LEF1: variants seen among roughly 807,000 people sequenced by gnomAD.
The protein encoded by LEF1 is lymphoid enhancer binding factor 1, also known as lymphoid enhancer-binding factor 1.
In LEF1, 14 loss-of-function variants were observed where a neutral mutation model predicts 51.2. The ratio of observed to expected loss-of-function variants is 0.27; its 90% CI spans 0.18 to 0.43. The LOEUF (loss-of-function observed/expected upper bound fraction) is 0.43. Among genes scored for constraint, LEF1 ranks in the 20% least tolerant of loss-of-function variants. The probability of loss-of-function intolerance (pLI) is 1.00; values close to 1 mark genes in which losing one functional copy is unlikely to be tolerated. For synonymous variants in LEF1, 185 were observed against 183.2 expected (o/e 1.01, Z -0.08); for missense variants, 386 against 512.0 (o/e 0.75, Z 2.37).
Position 108,166,476 on chromosome 4 carries a change from G to C in LEF1, c.213+1079C>G, listed in dbSNP as rs1055804190. The C allele has an allele frequency of 8.7e-6, 12 of 1,385,208 alleles. No individual in the cohort carries two copies. The Admixed American group carries it at 1.3e-4, about 15-fold the overall frequency. The allele number at this position is 1,385,208 out of a possible 1,614,324, so 85.8% of individuals were successfully genotyped here. ...TTCGGGTGTCAGGACTTTTCTACCG[G>C]ATTTCCTCCAGAGGGTTTCCCAGTT... On this transcript the variant is annotated intron_variant, in intron 1 of 11. Coordinates refer to ENST00000265165, the MANE Select transcript of LEF1 (RefSeq NM_016269.5).
chr4:108,060,820 C>A (rs531170965), intron 11 of LEF1, among the ~76,000 whole-genome samples: 6 of 152,058 alleles, frequency 3.9e-5, no homozygotes, highest in African/African-American at 7.3e-5. Flanking sequence ...TTTGCTCCAT[C>A]CAACACTCTA....
chr4:108,056,157 TGAAA>T (rs1334626148), intron 11 of LEF1, among the ~76,000 whole-genome samples: 1 of 152,210 alleles, frequency 6.6e-6, no homozygotes, highest in Non-Finnish European at 1.5e-5. Context: ...CTACAGAATT[TGAAA>T]GAATTATTGT....
intron 11 of LEF1, among the ~76,000 whole-genome samples, chr4:108,054,161 T>C (rs1048592550): frequency 2.0e-5 from 3 of 152,124 alleles, no homozygotes; most frequent in African/African-American, 7.2e-5. Context: ...GGATCCTGGG[T>C]CCATCGGTTA....
intron 3 of LEF1, among the ~76,000 whole-genome samples, chr4:108,099,593 TATATA>T (rs1740660727): frequency 7.9e-6 from 1 of 126,836 alleles, no homozygotes; most frequent in Admixed American, 8.0e-5. Context: ...TATATATATA[TATATA>T]TATATATATA....
chr4:108,071,152 C>T (rs1334520160), intron 8 of LEF1, among the ~76,000 whole-genome samples: 1 of 152,298 alleles, frequency 6.6e-6, no homozygotes, highest in Middle Eastern at 3.4e-3. Context: ...ATATCTGAGC[C>T]CAAGTACTTT....
Position 108,167,861 on chromosome 4 carries a change from G to C in LEF1, c.-94C>G. On this transcript the variant is annotated 5_prime_UTR_variant, in exon 1 of 12. Coordinates refer to ENST00000265165, the MANE Select transcript of LEF1 (RefSeq NM_016269.5). The surrounding 1 kb of genome is among the most constrained non-coding windows in gnomAD (Gnocchi z 5.7). ...AACTCAAGGGTGGGGGAGGAAAGGA[G>C]AGTTGGAAGGGTTCGTGCAGCAGGA... is the stretch of plus-strand genomic sequence containing the variant. 8.9e-7 allele frequency: 1 copy of C among 1,126,330 alleles called. No individual in the cohort carries two copies. Among genetic ancestry groups the C allele is most frequent in the Non-Finnish European group, 1.3e-6 (1 of 776,296 alleles). The allele number at this position is 1,126,330 out of a possible 1,614,324, so 69.8% of individuals were successfully genotyped here.
At chr4:108,069,326 ATTAAC>A (rs377584204) in intron 9 of LEF1, among the ~76,000 whole-genome samples, 163 of 152,356 alleles carry the variant, frequency 1.1e-3, no homozygotes, top group African/African-American at 3.1e-3. Flanking sequence ...AAAATATTAA[ATTAAC>A]TTAAGAGCTT....
intron 3 of LEF1, among the ~76,000 whole-genome samples, chr4:108,139,235 T>C (rs552496489): frequency 6.6e-5 from 10 of 152,254 alleles, no homozygotes; most frequent in Non-Finnish European, 1.0e-4. Flanking sequence ...TCATTAACTC[T>C]ATACTGGGAA....
In LEF1 at chr4:108,149,437, C is replaced by A. The variant is rs553529077; in HGVS notation, c.414+14131G>T. 2.3e-3 allele frequency among the ~76,000 whole-genome samples: 242 copies of A among 103,858 alleles called. 1 individual carries two copies. The Middle Eastern group carries it at 0.025, about 11-fold the overall frequency. The allele number at this position is 103,858 out of a possible 152,430, so 68.1% of individuals were successfully genotyped here. On this transcript the variant is annotated intron_variant, in intron 3 of 11. Transcript: ENST00000265165. ...TCGTGCCACTGCACTCCAGCCTGGGCGACAGAGCGAGACTCCGTCTCAAAA... is the reference window on the plus strand; with the variant it reads ...TCGTGCCACTGCACTCCAGCCTGGGAGACAGAGCGAGACTCCGTCTCAAAA...
intron 3 of LEF1, among the ~76,000 whole-genome samples, chr4:108,104,860 G>C (rs1402224463): frequency 2.0e-5 from 3 of 152,146 alleles, no homozygotes; most frequent in African/African-American, 7.2e-5. Context: ...AGGAGTTGGA[G>C]GTGTGCCTTT....
intron 3 of LEF1, among the ~76,000 whole-genome samples, chr4:108,132,059 A>G (rs1233493418): frequency 2.6e-5 from 4 of 152,210 alleles, no homozygotes; most frequent in Non-Finnish European, 5.9e-5. Flanking sequence ...AGGAATCCAA[A>G]ATGTATCACA....
At chr4:108,156,288 G>A (rs1326670096) in intron 3 of LEF1, among the ~76,000 whole-genome samples, 1 of 152,110 alleles carries the variant, frequency 6.6e-6, no homozygotes, top group Non-Finnish European at 1.5e-5. Flanking sequence ...CCGGCTGACT[G>A]TTTTCAGGAG....
chr4:108,113,784 C>G (rs951134571), intron 3 of LEF1, among the ~76,000 whole-genome samples: 3 of 152,122 alleles, frequency 2.0e-5, no homozygotes, highest in African/African-American at 7.2e-5. Flanking sequence ...GAGGATGAAG[C>G]ACTATGTGGC....
rs1413013273 is a variant in LEF1 at position 108,099,588 on chromosome 4, A to ATGTG, written c.415-10332_415-10331insCACA. ...TGTGTGTGTATATATATATATATAT[A>ATGTG]TATATATATATATATATATATATAT... On this transcript the variant is annotated intron_variant, in intron 3 of 11. Coordinates refer to ENST00000265165, the MANE Select transcript of LEF1 (RefSeq NM_016269.5). Among the ~76,000 whole-genome samples, 26 of 60,378 alleles carry ATGTG rather than the reference A, an allele frequency of 4.3e-4. 2 individuals carry two copies. The highest frequency in any genetic ancestry group is 8.9e-4 in the African/African-American group (22 of 24,760). The allele number at this position is 60,378 out of a possible 152,430, so 39.6% of individuals were successfully genotyped here. A position where few individuals can be genotyped will look rare whatever the true frequency, so the allele number is the denominator to read the frequency against.
intron 11 of LEF1, among the ~76,000 whole-genome samples, chr4:108,061,238 G>C (rs1737669723): frequency 6.6e-6 from 1 of 152,126 alleles, no homozygotes; most frequent in African/African-American, 2.4e-5. Flanking sequence ...TGGAGAGAGA[G>C]GGTTATTTTT....
At chr4:108,065,829 C>G (rs1738044271) in intron 9 of LEF1, among the ~76,000 whole-genome samples, 5 of 152,146 alleles carry the variant, frequency 3.3e-5, no homozygotes, top group Admixed American at 3.3e-4. Flanking sequence ...TGGTCATTTA[C>G]TATAAGCGGA....
rs545559796 is a variant in LEF1, at chr4:108,050,256, A to C, written c.*7-1505T>G. Among the ~76,000 whole-genome samples the C allele has an allele frequency of 1.6e-4, 24 of 152,362 alleles. No individual in the cohort carries two copies. In the Middle Eastern group the frequency reaches 0.01, roughly 65 times the overall value. On this transcript the variant is annotated intron_variant, in intron 11 of 11. Transcript: ENST00000265165. ...CAGGAAAACACTACAGCATTGTGTT[A>C]ATCACTATATTATCACTTGTACTCA... is the stretch of plus-strand genomic sequence containing the variant.
intron 11 of LEF1, among the ~76,000 whole-genome samples, chr4:108,062,131 T>C (rs904594749): frequency 6.6e-6 from 1 of 152,130 alleles, no homozygotes; most frequent in Non-Finnish European, 1.5e-5. Context: ...AAAATGAAGA[T>C]TAAAAAGCTG....
intron 3 of LEF1, among the ~76,000 whole-genome samples, chr4:108,150,516 G>C (rs990423244): frequency 2.6e-5 from 4 of 152,136 alleles, no homozygotes; most frequent in Admixed American, 6.5e-5. Context: ...CAATTTCCAA[G>C]TATTCTTAGA....
Sources: allele counts gnomAD v4.1 joint callset (sites outside exome capture counted in the v4.1 genomes callset), GRCh38; gene constraint gnomAD v4.1.1; non-coding constraint Gnocchi (gnomAD v3.1); transcripts MANE v1.5; gene names NCBI Gene and HGNC (gene_info 2026-07-23, HGNC 2026-07-21).